The following MYH11 variants were observed in gnomAD, a reference collection of about 807,000 sequenced individuals.
MYH11 encodes myosin-11.
Under a neutral mutation model 246.6 loss-of-function variants are expected in MYH11, and 80 were observed. The ratio of observed to expected loss-of-function variants is 0.32; its 90% CI spans 0.27 to 0.39. The LOEUF (loss-of-function observed/expected upper bound fraction) is 0.39, where lower values mean the gene tolerates loss of function less well. Ranked by LOEUF, MYH11 falls within the 10% of genes least tolerant of loss-of-function variation. The probability of loss-of-function intolerance (pLI) is 1.00; values close to 1 mark genes in which losing one functional copy is unlikely to be tolerated. For missense variants in MYH11, 2,158 were observed against 2,546.8 expected (o/e 0.85, Z 3.29); for synonymous variants, 1,071 against 1,015.5 (o/e 1.05, Z -1.04).
At chr16:15,706,337 G>A (rs2039453321) in intron 40 of MYH11, among the ~76,000 whole-genome samples, 1 of 152,126 alleles carries the variant, frequency 6.6e-6, no homozygotes, top group African/African-American at 2.4e-5. Context: ...TCAGCGCAGA[G>A]GAGCAGCAGT....
Position 15,756,699 on chromosome 16 carries a change from A to G in MYH11, c.1576-185T>C, listed in dbSNP as rs1030818827. Among the ~76,000 whole-genome samples the G allele has an allele frequency of 7.2e-5, 11 of 152,052 alleles. No homozygotes were observed. The South Asian group carries it at 1.2e-3, about 17-fold the overall frequency. ...CTACCTTCAAATTACCCTGTGCCCAATGGACCAGTAACAGGGATGGAAGGC... is the reference window on the plus strand; with the variant it reads ...CTACCTTCAAATTACCCTGTGCCCAGTGGACCAGTAACAGGGATGGAAGGC... On this transcript the variant is annotated intron_variant, in intron 13 of 40. Transcript: ENST00000300036.
intron 19 of MYH11, among the ~76,000 whole-genome samples, chr16:15,746,424 C>A (rs1242597168): frequency 1.3e-5 from 2 of 152,142 alleles, no homozygotes; most frequent in Non-Finnish European, 2.9e-5. Flanking sequence ...CCAGGAAGGA[C>A]AGCAACAGGG....
At chr16:15,841,989 C>T (rs1439007207) in intron 1 of MYH11, among the ~76,000 whole-genome samples, 1 of 152,232 alleles carries the variant, frequency 6.6e-6, no homozygotes, top group Non-Finnish European at 1.5e-5. Context: ...TGAAACCCAA[C>T]CTTTTGGGTG....
chr16:15,763,741 T>TGCCCCCCCC, intron 10 of MYH11, 55 bp downstream of exon 10: 1 of 646,862 alleles, frequency 1.5e-6, no homozygotes, highest in South Asian at 1.4e-5. Context: ...AAATGTCACC[T>TGCCCCCCCC]CCCCCACCCC....
chr16:15,789,515 C>T (rs28754657), intron 4 of MYH11, among the ~76,000 whole-genome samples: 7,082 of 152,232 alleles, frequency 0.047, 544 homozygotes, highest in African/African-American at 0.16. Context: ...AGGATTTGAA[C>T]GTAGGTCCAC....
chr16:15,743,674 G>A (rs957918722), intron 20 of MYH11, among the ~76,000 whole-genome samples: 4 of 152,148 alleles, frequency 2.6e-5, no homozygotes, highest in African/African-American at 9.7e-5. Flanking sequence ...CTGTCTCTGT[G>A]ATTATCTGTT....
intron 38 of MYH11, among the ~76,000 whole-genome samples, 155 bp downstream of exon 38, chr16:15,716,985 C>T (rs993250667): frequency 5.9e-5 from 9 of 152,196 alleles, no homozygotes; most frequent in African/African-American, 1.7e-4. Context: ...GCTGTGTTTA[C>T]GTTCAGTTCT....
chr16:15,836,690 G>A (rs1029566872), intron 2 of MYH11, among the ~76,000 whole-genome samples: 2 of 143,802 alleles, frequency 1.4e-5, no homozygotes, highest in Non-Finnish European at 3.0e-5. Flanking sequence ...GTGAGCCCAC[G>A]CACCCAGCTA....
rs2151218259 is a variant in MYH11, at chr16:15,724,299, C to T, written c.4227G>A (p.Glu1409=). 1 of 1,614,182 alleles carries T rather than the reference C, an allele frequency of 6.2e-7. No individual in the cohort carries two copies. Among genetic ancestry groups the T allele is most frequent in the South Asian group, 1.1e-5 (1 of 91,088 alleles). ...KEIENLTQQY[E]EKAAAYDKLE... ...GTTTATCATAAGCGGCCGCCTTCTC[C>T]TCGTACTGCTGGGTGAGGTTCTCGA... Residue 1409 remains glutamate, a synonymous_variant, in exon 31 of 41, where the codon GAG becomes GAA. Coordinates refer to ENST00000300036, the MANE Select transcript of MYH11 (RefSeq NM_002474.3).
intron 1 of MYH11, among the ~76,000 whole-genome samples, chr16:15,856,409 A>G (rs931751875): frequency 1.3e-5 from 2 of 151,888 alleles, no homozygotes; most frequent in African/African-American, 4.8e-5. Context: ...TGCATTATCA[A>G]CACAACTGTG....
chr16:15,829,856 C>A (rs187662672), intron 2 of MYH11, among the ~76,000 whole-genome samples: 10 of 152,106 alleles, frequency 6.6e-5, no homozygotes, highest in Non-Finnish European at 4.4e-5. Flanking sequence ...CAGGGATGGC[C>A]GGGCGCAGTG....
chr16:15,845,648 A>G (rs983893401), intron 1 of MYH11, among the ~76,000 whole-genome samples: 2 of 152,084 alleles, frequency 1.3e-5, no homozygotes, highest in Admixed American at 6.6e-5. Context: ...AAAATATTCA[A>G]TCATTCCCTG....
chr16:15,797,209 C>T (rs1015564545), intron 4 of MYH11, among the ~76,000 whole-genome samples: 3 of 152,240 alleles, frequency 2.0e-5, no homozygotes, highest in East Asian at 1.9e-4. Context: ...TTGTTTCAAT[C>T]TTCTCTCAAT....
At chr16:15,714,453 G>A (rs566865255) in intron 40 of MYH11, 24 of 204,486 alleles carry the variant, frequency 1.2e-4, no homozygotes, top group Non-Finnish European at 1.9e-4. Flanking sequence ...GGGGAATGTC[G>A]GACAGCCCCC....
chr16:15,720,170 T>C lies in MYH11; in HGVS notation c.4934A>G (p.Lys1645Arg). 1.2e-6 allele frequency: 2 copies of C among 1,614,122 alleles called. No individual in the cohort carries two copies. Among genetic ancestry groups the C allele is most frequent in the East Asian group, 2.2e-5 (1 of 44,874 alleles). Reference sequence around the variant, plus strand: ...ACCCACCTGCAGTTTGCGTAGCTGCTTGATGGCTTCCTCCCTCCCCTTGAT... The same window carrying C: ...ACCCACCTGCAGTTTGCGTAGCTGCCTGATGGCTTCCTCCCTCCCCTTGAT... ...SAIKGREEAI[K>R]QLRKLQAQMK... Residue 1645 changes from lysine (K) to arginine (R), a missense_variant, in exon 34 of 41, where the codon AAG becomes AGG. Physicochemically the swap from Lys to Arg is conservative, Grantham distance 26. Around this residue, in one of 11 missense-constraint regions of MYH11, gnomAD observed 1,013 missense variants for 993.5 expected, o/e 1.02. Transcript: ENST00000300036.
Position 15,759,677 on chromosome 16 carries a change from G to A in MYH11, c.1300C>T (p.Arg434Cys), listed in dbSNP as rs375276152. The A allele has an allele frequency of 1.7e-5, 28 of 1,614,058 alleles. No individual in the cohort carries two copies. The highest frequency in any genetic ancestry group is 2.7e-5 in the African/African-American group (2 of 74,908). Residue 434 changes from arginine (R) to cysteine (C), a missense_variant, in exon 12 of 41, where the codon CGC becomes TGC. Arg to Cys is a radical substitution (Grantham distance 180, BLOSUM62 -3). Coordinates refer to ENST00000300036, the MANE Select transcript of MYH11 (RefSeq NM_002474.3). ...TTGTTCACGCGGGTGAGTATCCAGC[G>A]GAAAAGGCGCTCATATGTTGCCTTG... ...LAKATYERLF[R>C]WILTRVNKAL...
chr16:15,770,752 A>G (rs1413028980), intron 9 of MYH11, among the ~76,000 whole-genome samples: 3 of 152,148 alleles, frequency 2.0e-5, no homozygotes, highest in East Asian at 3.9e-4. Flanking sequence ...AGGAATGTGC[A>G]TATCAACCTA....
chr16:15,708,667 C>T, intron 40 of MYH11: 1 of 903,346 alleles, frequency 1.1e-6, no homozygotes, highest in Non-Finnish European at 1.8e-6. Context: ...ACAAAGATAT[C>T]CAAGCCTCCA....
intron 24 of MYH11, 23 bp from the exon 25 acceptor site, chr16:15,737,643 C>T (rs1292966182): frequency 5.6e-6 from 9 of 1,608,656 alleles, no homozygotes; most frequent in Non-Finnish European, 7.6e-6. Flanking sequence ...AGGTGCTCTT[C>T]AGGAAGGGGA....
Sources: allele counts gnomAD v4.1 joint callset (sites outside exome capture counted in the v4.1 genomes callset), GRCh38; gene constraint gnomAD v4.1.1; regional missense constraint gnomAD v4.1.1; transcripts MANE v1.5; gene names NCBI Gene and HGNC (gene_info 2026-07-23, HGNC 2026-07-21).